Variants in KHK observed in about 807,000 individuals in gnomAD.
The protein encoded by KHK is ketohexokinase, also known as fructokinase.
A neutral mutation model predicts 36.0 loss-of-function variants in KHK; 37 were observed. The ratio of observed to expected loss-of-function variants is 1.03; its 90% CI spans 0.79 to 1.35. KHK has a LOEUF of 1.35. Ranked by LOEUF, KHK falls within the 40% of genes most tolerant of loss-of-function variation. KHK has a pLI of 0.00. For synonymous variants in KHK, 161 were observed against 162.8 expected (o/e 0.99, Z 0.08); for missense variants, 395 against 391.9 (o/e 1.01, Z -0.07).
At chr2:27,096,653 C>T (rs1670370778) in intron 3 of KHK, 76 bp from the exon 4 acceptor site, 14 of 1,152,400 alleles carry the variant, frequency 1.2e-5, no homozygotes, top group Non-Finnish European at 1.7e-5. Context: ...GGGTCCACAG[C>T]TGCCAGTTAG....
chr2:27,092,516 T>A (rs1202014993), intron 2 of KHK, 68 bp downstream of exon 2: 21 of 1,178,832 alleles, frequency 1.8e-5, no homozygotes, highest in African/African-American at 3.0e-5. Flanking sequence ...GAAGGATGTA[T>A]CCACCCTGGG....
rs1168016524 is a variant in KHK at position 27,100,544 on chromosome 2, T to TTATAATGTAAAGAGCA, written c.*807_*822dup. 7.7e-7 allele frequency: 1 copy of TTATAATGTAAAGAGCA among 1,290,428 alleles called. No homozygotes were observed. The highest frequency in any genetic ancestry group is 1.0e-6 in the Non-Finnish European group (1 of 988,506). 79.9% of individuals were successfully genotyped at this position (1,290,428 alleles called of 1,614,324 possible). ...ACTCCAATATAGGGTGGGTAAGGCC[T>TTATAATGTAAAGAGCA]TATAATGTAAAGAGCATATAATGTA... On this transcript the variant is annotated 3_prime_UTR_variant, in exon 8 of 8. Coordinates refer to ENST00000260598, the MANE Select transcript of KHK (RefSeq NM_006488.3).
At chr2:27,098,588 T>C (rs1435393664) in intron 5 of KHK, among the ~76,000 whole-genome samples, 1 of 152,020 alleles carries the variant, frequency 6.6e-6, no homozygotes, top group Non-Finnish European at 1.5e-5. Context: ...TTGTTTTTGA[T>C]TGGCAGGGGT....
chr2:27,092,253 A>G, intron 1 of KHK, 79 bp from the exon 2 acceptor site: 3 of 1,106,406 alleles, frequency 2.7e-6, no homozygotes, highest in Admixed American at 1.7e-5. Context: ...CAGCTGTTAC[A>G]TTCTGTAGGC....
rs1235693182 is a variant in KHK at position 27,094,939 on chromosome 2, G to A, written c.344+5G>A. 6.2e-7 allele frequency: 1 copy of A among 1,613,778 alleles called. No individual in the cohort carries two copies. The highest frequency in any genetic ancestry group is 1.7e-5 in the Admixed American group (1 of 60,024). ...TACCATTGTGCTCCATGACACGTAA[G>A]GCCCCCGGGCCTCGCCCTGCTACAA... On this transcript the variant is annotated splice_donor_5th_base_variant and intron_variant, in intron 3 of 7. Transcript: ENST00000260598.
At chr2:27,093,812 GGAGA>G (rs1467749926) in intron 2 of KHK, among the ~76,000 whole-genome samples, 2 of 152,198 alleles carry the variant, frequency 1.3e-5, no homozygotes, top group African/African-American at 4.8e-5. Flanking sequence ...GGGCATTCCA[GGAGA>G]GAGTTCTGGA....
Position 27,100,355 on chromosome 2 carries a change from C to G in KHK, c.*605C>G. On this transcript the variant is annotated 3_prime_UTR_variant, in exon 8 of 8. Transcript: ENST00000260598. Reference sequence around the variant, plus strand: ...TGTGATTTGATGGGGTCTTCATTGTCCAGAAATACCTCCTCCCGCTGACTG... The same window carrying G: ...TGTGATTTGATGGGGTCTTCATTGTGCAGAAATACCTCCTCCCGCTGACTG... 8.9e-7 allele frequency: 1 copy of G among 1,123,936 alleles called. No individual in the cohort carries two copies. Among genetic ancestry groups the G allele is most frequent in the Non-Finnish European group, 1.2e-6 (1 of 838,972 alleles). The allele number at this position is 1,123,936 out of a possible 1,614,324, so 69.6% of individuals were successfully genotyped here. A position where few individuals can be genotyped will look rare whatever the true frequency, so the allele number is the denominator to read the frequency against.
At chr2:27,089,204 T>C (rs1669840670) in intron 1 of KHK, among the ~76,000 whole-genome samples, 2 of 152,190 alleles carry the variant, frequency 1.3e-5, no homozygotes, top group Admixed American at 1.3e-4. Flanking sequence ...TCATCTCCTG[T>C]ATACCCTGTC....
Position 27,099,301 on chromosome 2 carries a change from A to G in KHK, c.653+17A>G. Reference sequence around the variant, plus strand: ...GAGGAAAGGGTGAGCCGGGGAAGCCAGGAAGGGGCTTTAGAAGGTACAGGA... The same window carrying G: ...GAGGAAAGGGTGAGCCGGGGAAGCCGGGAAGGGGCTTTAGAAGGTACAGGA... On this transcript the variant is annotated intron_variant, in intron 6 of 7. Coordinates refer to ENST00000260598, the MANE Select transcript of KHK (RefSeq NM_006488.3). The G allele has an allele frequency of 6.2e-7, 1 of 1,613,940 alleles. No individual in the cohort carries two copies. The highest frequency in any genetic ancestry group is 1.1e-5 in the South Asian group (1 of 91,078).
chr2:27,099,536 G>A lies in KHK; in HGVS notation c.770G>A (p.Gly257Glu), dbSNP rs780112409. 2 of 1,614,174 alleles carry A rather than the reference G, an allele frequency of 1.2e-6. No homozygotes were observed. Among genetic ancestry groups the A allele is most frequent in the East Asian group, 2.2e-5 (1 of 44,888 alleles). ...CGCGTGGTGGATACACTGGGAGCTG[G>A]AGACACCTTCAATGCCTCCGTCATC... ...PPRVVDTLGA[G>E]DTFNASVIFS... The change falls in exon 7 of 8, where the codon GGA (glycine) becomes GAA (glutamate). Residue 257 changes from glycine to glutamate, a missense_variant. Coordinates refer to ENST00000260598, the MANE Select transcript of KHK (RefSeq NM_006488.3).
At chr2:27,095,381 G>C (rs901443650) in intron 3 of KHK, among the ~76,000 whole-genome samples, 2 of 152,172 alleles carry the variant, frequency 1.3e-5, no homozygotes, top group Non-Finnish European at 2.9e-5. Context: ...CTGCAGCATG[G>C]CACCAAGGAG....
chr2:27,099,727 C>T lies in KHK; in HGVS notation c.874C>T (p.Gln292Ter). 1 of 1,614,128 alleles carries T rather than the reference C, an allele frequency of 6.2e-7. No individual in the cohort carries two copies. The change falls in exon 8 of 8, where the codon CAG (glutamine) becomes TAG (stop). Residue 292 changes from glutamine to a stop codon, truncating the protein, a stop_gained. Transcript: ENST00000260598. LOFTEE classifies it high-confidence loss of function. ...GGTGGCCGGCAAGAAGTGTGGCCTG[C>T]AGGGCTTTGATGGCATCGTGTGAGA... ...CQVAGKKCGLQGFDGIV is the reference protein window; with the variant it reads ...CQVAGKKCGL
intron 5 of KHK, chr2:27,098,983 T>C (rs1391492441): frequency 7.5e-6 from 4 of 534,872 alleles, no homozygotes; most frequent in Non-Finnish European, 1.4e-5. Context: ...GAAGATCATA[T>C]GGGGCCAGGA....
chr2:27,089,842 C>T (rs1669880902), intron 1 of KHK, among the ~76,000 whole-genome samples: 1 of 152,216 alleles, frequency 6.6e-6, no homozygotes, highest in Non-Finnish European at 1.5e-5. Context: ...AGCCAGACCC[C>T]TGGGACGTGT....
intron 1 of KHK, among the ~76,000 whole-genome samples, chr2:27,091,977 G>C (rs573350575): frequency 5.3e-5 from 8 of 152,348 alleles, no homozygotes; most frequent in African/African-American, 1.9e-4. Flanking sequence ...AAGGTGCAGC[G>C]TCTGGAGCAG....
chr2:27,090,014 A>G (rs6547413), intron 1 of KHK, among the ~76,000 whole-genome samples: 92,149 of 152,026 alleles, frequency 0.61, 28,230 homozygotes, highest in East Asian at 0.77. Flanking sequence ...CACCACACCC[A>G]ACTAATTTTG....
At chr2:27,090,891 GA>G (rs935354978) in intron 1 of KHK, among the ~76,000 whole-genome samples, 3 of 151,814 alleles carry the variant, frequency 2.0e-5, no homozygotes, top group Admixed American at 6.6e-5. Context: ...CCATCTCTAC[GA>G]AAAAATTTTT....
Position 27,086,874 on chromosome 2 carries a change from C to T in KHK, c.-386C>T, listed in dbSNP as rs1416104612. On this transcript the variant is annotated 5_prime_UTR_variant, in exon 1 of 8. Transcript: ENST00000260598. ...GTGCGGGGCAAGTAGCGCATTTTCT[C>T]TTTGCATTCTCGAGATCGCTTAGCC... 1 of 175,200 alleles carries T rather than the reference C, an allele frequency of 5.7e-6. No individual in the cohort carries two copies. The highest frequency in any genetic ancestry group is 1.2e-5 in the Non-Finnish European group (1 of 81,704). The allele number at this position is 175,200 out of a possible 1,614,324, so 10.9% of individuals were successfully genotyped here. A position where few individuals can be genotyped will look rare whatever the true frequency, so the allele number is the denominator to read the frequency against.
rs1163880669 is a variant in KHK, at chr2:27,099,294, G to A, written c.653+10G>A. On this transcript the variant is annotated intron_variant, in intron 6 of 7. Transcript: ENST00000260598. ...GTCGTGTGAGGAAAGGGTGAGCCGG[G>A]GAAGCCAGGAAGGGGCTTTAGAAGG... 4 of 1,613,898 alleles carry A rather than the reference G, an allele frequency of 2.5e-6. No homozygotes were observed. The highest frequency in any genetic ancestry group is 2.5e-6 in the Non-Finnish European group (3 of 1,179,960).
Sources: allele counts gnomAD v4.1 joint callset (sites outside exome capture counted in the v4.1 genomes callset), GRCh38; gene constraint gnomAD v4.1.1; transcripts MANE v1.5; gene names NCBI Gene and HGNC (gene_info 2026-07-23, HGNC 2026-07-21).